SCHIP1: variants seen among roughly 807,000 people sequenced by gnomAD.
SCHIP1 encodes schwannomin interacting protein 1.
Under a neutral mutation model 29.7 loss-of-function variants are expected in SCHIP1, and 8 were observed. The ratio of observed to expected loss-of-function variants is 0.27; its 90% confidence interval spans 0.16 to 0.49. The LOEUF is 0.49. Ranked by LOEUF, SCHIP1 falls within the 20% of genes least tolerant of loss-of-function variation. The probability of loss-of-function intolerance (pLI) is 0.99; values close to 1 mark genes in which losing one functional copy is unlikely to be tolerated. For synonymous variants in SCHIP1, 76 were observed against 94.9 expected (o/e 0.80, Z 1.16); for missense variants, 193 against 294.6 (o/e 0.66, Z 2.52).
At chr3:159,520,136 G>A in the SCHIP1 span, among the ~76,000 whole-genome samples, 2 of 150,404 alleles carry the variant, frequency 1.3e-5, no homozygotes. Flanking sequence ...AGTGGAGAAG[G>A]CAGAAACATA....
the SCHIP1 span, among the ~76,000 whole-genome samples, chr3:159,461,608 C>T: frequency 1.3e-5 from 2 of 150,768 alleles, no homozygotes; most frequent in Non-Finnish European, 2.9e-5. Flanking sequence ...CAGAGTCTCA[C>T]TCTGTCGCCC....
the SCHIP1 span, among the ~76,000 whole-genome samples, chr3:159,555,830 G>A: frequency 5.9e-5 from 9 of 152,170 alleles, no homozygotes; most frequent in East Asian, 1.5e-3. Flanking sequence ...CAAAATTTAG[G>A]ACATGTGTTA....
the SCHIP1 span, among the ~76,000 whole-genome samples, chr3:159,385,401 T>G: frequency 1.3e-5 from 2 of 151,820 alleles, no homozygotes; most frequent in Non-Finnish European, 2.9e-5. Context: ...CTACTAAAAA[T>G]AGAAAAATTA....
chr3:159,781,501 A>G, the SCHIP1 span, among the ~76,000 whole-genome samples: 1 of 152,218 alleles, frequency 6.6e-6, no homozygotes, highest in Non-Finnish European at 1.5e-5. Flanking sequence ...TAAATTGCTT[A>G]TGTGAAGCTT....
At chr3:159,309,541 TGATAACGATG>T in the SCHIP1 span, among the ~76,000 whole-genome samples, 1 of 152,162 alleles carries the variant, frequency 6.6e-6, no homozygotes, top group Non-Finnish European at 1.5e-5. Flanking sequence ...GCCCATCTGA[TGATAACGATG>T]GTGTTGCCTG....
At chr3:159,333,469 TAATC>T in the SCHIP1 span, among the ~76,000 whole-genome samples, 19 of 152,206 alleles carry the variant, frequency 1.2e-4, no homozygotes, top group African/African-American at 4.6e-4. Flanking sequence ...ATGCTGACAT[TAATC>T]AGAGTTCAGC....
chr3:159,767,954 G>C, the SCHIP1 span, among the ~76,000 whole-genome samples: 10 of 152,236 alleles, frequency 6.6e-5, no homozygotes, highest in African/African-American at 2.4e-4. Context: ...GCCTGGGATG[G>C]AGTAGGTTCT....
At chr3:159,872,923 C>T (rs1485421204) in intron 2 of SCHIP1, among the ~76,000 whole-genome samples, 1 of 152,126 alleles carries the variant, frequency 6.6e-6, no homozygotes. Flanking sequence ...CTCTTACTTA[C>T]AAAAGTACTT....
the SCHIP1 span, among the ~76,000 whole-genome samples, chr3:159,512,045 A>C: frequency 6.6e-6 from 1 of 152,206 alleles, no homozygotes; most frequent in Non-Finnish European, 1.5e-5. Context: ...CACTAGAAAG[A>C]TGAAAATGTA....
At chr3:159,346,260 C>A in the SCHIP1 span, among the ~76,000 whole-genome samples, 13 of 146,192 alleles carry the variant, frequency 8.9e-5, no homozygotes, top group Admixed American at 5.5e-4. Flanking sequence ...GAATAAGCAC[C>A]CTTTCAGGTT....
At chr3:159,856,976 T>C (rs1246261615) in intron 1 of SCHIP1, among the ~76,000 whole-genome samples, 1 of 152,176 alleles carries the variant, frequency 6.6e-6, no homozygotes, top group African/African-American at 2.4e-5. Context: ...TCTTCCTGCC[T>C]GTGAGGGCTG....
At chr3:159,413,387 G>A in the SCHIP1 span, among the ~76,000 whole-genome samples, 1 of 152,078 alleles carries the variant, frequency 6.6e-6, no homozygotes, top group Non-Finnish European at 1.5e-5. Flanking sequence ...TTTATTAACT[G>A]AAAAATGAAC....
chr3:159,679,237 AG>A, the SCHIP1 span, among the ~76,000 whole-genome samples: 5,101 of 152,076 alleles, frequency 0.034, 109 homozygotes, highest in Middle Eastern at 0.055. Flanking sequence ...CGTGTTATGA[AG>A]AAAAAAAAAA....
At chr3:159,523,068 C>T in the SCHIP1 span, among the ~76,000 whole-genome samples, 1 of 152,192 alleles carries the variant, frequency 6.6e-6, no homozygotes, top group Non-Finnish European at 1.5e-5. Flanking sequence ...TATATCCATA[C>T]TCTCAACCAC....
chr3:159,617,865 G>T, the SCHIP1 span, among the ~76,000 whole-genome samples: 1 of 152,036 alleles, frequency 6.6e-6, no homozygotes, highest in African/African-American at 2.4e-5. Flanking sequence ...ACATTTAGCG[G>T]GCAGAGGGGA....
the SCHIP1 span, among the ~76,000 whole-genome samples, chr3:159,732,447 CCTCT>C: frequency 6.6e-6 from 1 of 152,130 alleles, no homozygotes; most frequent in Non-Finnish European, 1.5e-5. Flanking sequence ...CGCAATTTGC[CCTCT>C]ATAATCGTTC....
chr3:159,828,459 A>ACG, the SCHIP1 span, among the ~76,000 whole-genome samples: 1 of 132,286 alleles, frequency 7.6e-6, no homozygotes, highest in African/African-American at 3.2e-5. Context: ...ATACGTATAT[A>ACG]TATGTATATA....
chr3:159,692,005 C>T, the SCHIP1 span, among the ~76,000 whole-genome samples: 27 of 148,068 alleles, frequency 1.8e-4, no homozygotes, highest in African/African-American at 6.3e-4. Context: ...GTGGGTAACC[C>T]GACCTTTCTT....
chr3:159,718,165 C>T, the SCHIP1 span, among the ~76,000 whole-genome samples: 73 of 152,116 alleles, frequency 4.8e-4, no homozygotes, highest in South Asian at 1.7e-3. Context: ...AAAAGGCCTT[C>T]GACAAAATTT....
Sources: gnomAD v4.1 joint callset for allele counts (sites outside exome capture counted in the v4.1 genomes callset) on GRCh38, gnomAD v4.1.1 for gene constraint, MANE v1.5 for transcripts, NCBI Gene and HGNC (gene_info 2026-07-23, HGNC 2026-07-21) for gene names.